The following CNTNAP2 variants were observed in gnomAD, a reference collection of about 807,000 sequenced individuals.
CNTNAP2 encodes the protein contactin-associated protein-like 2.
In CNTNAP2, 98 loss-of-function variants were observed where a neutral mutation model predicts 155.2. The observed-to-expected ratio is 0.63, with a 90% CI of 0.54 to 0.75. CNTNAP2 has a LOEUF of 0.75. Ranked by LOEUF, CNTNAP2 falls within the 30% of genes least tolerant of loss-of-function variation. The pLI, the probability that CNTNAP2 is intolerant of heterozygous loss-of-function variation, is 0.00. For synonymous variants in CNTNAP2, 651 were observed against 631.2 expected (o/e 1.03, Z -0.47); for missense variants, 1,727 against 1,688.1 (o/e 1.02, Z -0.40).
At chr7:146,160,008 G>A (rs1047279458) in intron 1 of CNTNAP2, among the ~76,000 whole-genome samples, 1 of 147,340 alleles carries the variant, frequency 6.8e-6, no homozygotes, top group Non-Finnish European at 1.5e-5. Flanking sequence ...CTCCTCATTA[G>A]AATCAAACTA....
chr7:146,725,592 G>A (rs1256961353), intron 1 of CNTNAP2, among the ~76,000 whole-genome samples: 1 of 152,164 alleles, frequency 6.6e-6, no homozygotes, highest in Non-Finnish European at 1.5e-5. Context: ...AAGGTCACAA[G>A]ATACACAACT....
chr7:147,929,004 A>C (rs1800448886), intron 14 of CNTNAP2, among the ~76,000 whole-genome samples: 1 of 144,254 alleles, frequency 6.9e-6, no homozygotes, highest in African/African-American at 2.6e-5. Flanking sequence ...AGGCAGGAGA[A>C]TCGCTTGAAC....
chr7:147,731,332 C>T (rs1000836052), intron 13 of CNTNAP2, among the ~76,000 whole-genome samples: 1 of 151,922 alleles, frequency 6.6e-6, no homozygotes, highest in African/African-American at 2.4e-5. Flanking sequence ...AAGTTGAAGC[C>T]AATATTCACT....
chr7:148,179,977 A>G (rs1795009119), intron 18 of CNTNAP2, among the ~76,000 whole-genome samples: 1 of 152,198 alleles, frequency 6.6e-6, no homozygotes, highest in Admixed American at 6.5e-5. Context: ...TGAAACAGGG[A>G]CCAGAATAAA....
chr7:146,886,671 G>T (rs958442613), intron 3 of CNTNAP2, among the ~76,000 whole-genome samples: 2 of 151,444 alleles, frequency 1.3e-5, no homozygotes, highest in South Asian at 2.1e-4. Flanking sequence ...TGTATGCTTA[G>T]TGTGCCAAGT....
At chr7:148,363,085 G>A (rs1447462255) in intron 21 of CNTNAP2, among the ~76,000 whole-genome samples, 7 of 152,148 alleles carry the variant, frequency 4.6e-5, no homozygotes, top group African/African-American at 9.7e-5. Context: ...GGGTTCAAGC[G>A]ATTCTCCTGC....
chr7:148,052,032 G>T (rs544437508), intron 15 of CNTNAP2, among the ~76,000 whole-genome samples: 33 of 152,054 alleles, frequency 2.2e-4, no homozygotes, highest in African/African-American at 8.0e-4. Flanking sequence ...CCAGCTGCTC[G>T]GGAGGCTGAG....
chr7:147,860,202 A>C (rs1799111538), intron 13 of CNTNAP2, among the ~76,000 whole-genome samples: 1 of 152,144 alleles, frequency 6.6e-6, no homozygotes, highest in Non-Finnish European at 1.5e-5. Flanking sequence ...AGGTGGGCAG[A>C]TCACCTGAGG....
At chr7:148,018,759 T>TGGCACAAACAGAGTTTGACTCTC (rs1802226563) in intron 15 of CNTNAP2, among the ~76,000 whole-genome samples, 1 of 152,202 alleles carries the variant, frequency 6.6e-6, no homozygotes. Flanking sequence ...CTCTCATTTT[T>TGGCACAAACAGAGTTTGACTCTC]GGCACAAACA....
chr7:147,106,601 T>C (rs1394547850), intron 4 of CNTNAP2, among the ~76,000 whole-genome samples: 2 of 152,278 alleles, frequency 1.3e-5, no homozygotes, highest in East Asian at 3.9e-4. Context: ...TGTTTTATAA[T>C]ATAACATTGT....
chr7:147,533,476 G>T lies in CNTNAP2; in HGVS notation c.1778-28662G>T, dbSNP rs117012199. Among the ~76,000 whole-genome samples, 5 of 151,992 alleles carry T rather than the reference G, an allele frequency of 3.3e-5. No homozygotes were observed. In the East Asian group the frequency reaches 9.7e-4, roughly 29 times the overall value. ...GTACTTATTGTGTATACTCTTTAGT[G>T]ATACAGAAATAAAAGAAAAGTTAAA... On this transcript the variant is annotated intron_variant, in intron 11 of 23. Coordinates refer to ENST00000361727, the MANE Select transcript of CNTNAP2 (RefSeq NM_014141.6).
intron 11 of CNTNAP2, among the ~76,000 whole-genome samples, chr7:147,531,803 T>C (rs1799435373): frequency 7.2e-6 from 1 of 139,566 alleles, no homozygotes; most frequent in Admixed American, 7.9e-5. Flanking sequence ...GGGTTTTTCT[T>C]TTCTTTTTTT....
chr7:147,508,996 A>G (rs376640965), intron 11 of CNTNAP2, among the ~76,000 whole-genome samples: 1 of 152,344 alleles, frequency 6.6e-6, no homozygotes, highest in African/African-American at 2.4e-5. Context: ...TGAATAAACT[A>G]ATCTCACAAA....
intron 1 of CNTNAP2, among the ~76,000 whole-genome samples, chr7:146,659,709 C>T (rs10272562): frequency 0.83 from 126,970 of 152,226 alleles, 53,661 homozygotes; most frequent in African/African-American, 0.92. Flanking sequence ...TTCATCACGT[C>T]TTAATAACTT....
intron 16 of CNTNAP2, among the ~76,000 whole-genome samples, chr7:148,134,600 T>C (rs901673775): frequency 6.6e-6 from 1 of 152,212 alleles, no homozygotes; most frequent in Non-Finnish European, 1.5e-5. Context: ...CAGTCTAGTT[T>C]TAAATGCCCT....
In CNTNAP2 at chr7:147,132,208, CTG is replaced by C. The variant is rs750006152; in HGVS notation, c.1084-33_1084-32del. ...GTCTGACATGGATGTTCATTTTATT[CTG>C]TGTTTTCCTCAGAGCCTGTCTTTCT... On this transcript the variant is annotated intron_variant, in intron 7 of 23. Coordinates refer to ENST00000361727, the MANE Select transcript of CNTNAP2 (RefSeq NM_014141.6). 1.2e-5 allele frequency: 19 copies of C among 1,612,222 alleles called. No individual in the cohort carries two copies. In the East Asian group the frequency reaches 2.2e-4, roughly 19 times the overall value.
At chr7:147,829,176 T>G (rs1798509469) in intron 13 of CNTNAP2, among the ~76,000 whole-genome samples, 1 of 152,156 alleles carries the variant, frequency 6.6e-6, no homozygotes, top group African/African-American at 2.4e-5. Flanking sequence ...CAGGTGGCCC[T>G]CTACCAACTG....
intron 1 of CNTNAP2, among the ~76,000 whole-genome samples, chr7:146,564,454 A>G (rs1386426024): frequency 6.6e-6 from 1 of 151,042 alleles, no homozygotes; most frequent in Non-Finnish European, 1.5e-5. Context: ...GTAAGTACTT[A>G]ATATACAAAT....
intron 1 of CNTNAP2, among the ~76,000 whole-genome samples, chr7:146,508,409 C>T (rs1797416807): frequency 6.6e-6 from 1 of 152,212 alleles, no homozygotes; most frequent in South Asian, 2.1e-4. Flanking sequence ...AGCATGCAGC[C>T]AAGTGCCTGA....
Sources: allele counts gnomAD v4.1 joint callset (sites outside exome capture counted in the v4.1 genomes callset), GRCh38; gene constraint gnomAD v4.1.1; transcripts MANE v1.5; gene names NCBI Gene and HGNC (gene_info 2026-07-23, HGNC 2026-07-21).